The following CDKAL1 variants were observed in gnomAD, a reference collection of about 807,000 sequenced individuals.
CDKAL1 encodes the protein CDKAL1 threonylcarbamoyladenosine tRNA methylthiotransferase.
A neutral mutation model predicts 68.2 loss-of-function variants in CDKAL1; 32 were observed. The ratio of observed to expected loss-of-function variants is 0.47; its 90% confidence interval spans 0.35 to 0.63. The LOEUF is 0.63. Among genes scored for constraint, CDKAL1 ranks in the 30% least tolerant of loss-of-function variants. The pLI is 0.00. For synonymous variants in CDKAL1, 234 were observed against 244.3 expected, an observed-to-expected ratio of 0.96 and a Z score of 0.39; for missense variants, 606 against 696.7, an observed-to-expected ratio of 0.87 and a Z score of 1.47.
At chr6:20,629,525 C>A (rs1767581941) in intron 4 of CDKAL1, among the ~76,000 whole-genome samples, 1 of 152,182 alleles carries the variant, frequency 6.6e-6, no homozygotes, top group African/African-American at 2.4e-5. Flanking sequence ...ACCTTGCTGT[C>A]CCTCTATAGG....
intron 9 of CDKAL1, among the ~76,000 whole-genome samples, chr6:20,903,825 T>C (rs1252964939): frequency 6.6e-6 from 1 of 152,202 alleles, no homozygotes; most frequent in African/African-American, 2.4e-5. Flanking sequence ...TCTGGGAAGA[T>C]GGCAGAGTAG....
intron 5 of CDKAL1, among the ~76,000 whole-genome samples, chr6:20,737,852 T>TA (rs1439527426): frequency 6.6e-6 from 1 of 152,226 alleles, no homozygotes; most frequent in Non-Finnish European, 1.5e-5. Flanking sequence ...CAGGTGCCGT[T>TA]AAAATAGTAT....
At chr6:20,577,277 C>T (rs1037810364) in intron 4 of CDKAL1, among the ~76,000 whole-genome samples, 2 of 152,186 alleles carry the variant, frequency 1.3e-5, no homozygotes, top group Non-Finnish European at 2.9e-5. Context: ...TATATATCAC[C>T]TACTCAGATT....
chr6:21,026,974 T>G (rs1050602917), intron 11 of CDKAL1, among the ~76,000 whole-genome samples: 1 of 152,194 alleles, frequency 6.6e-6, no homozygotes, highest in Non-Finnish European at 1.5e-5. Context: ...GACCTCTTCT[T>G]ATTCTCTAAT....
intron 4 of CDKAL1, among the ~76,000 whole-genome samples, chr6:20,648,335 G>C (rs1047276928): frequency 1.2e-4 from 18 of 151,874 alleles, no homozygotes; most frequent in African/African-American, 4.1e-4. Context: ...TCACCATCTT[G>C]GCCCAACTGG....
chr6:21,113,928 A>G (rs1461445124), intron 13 of CDKAL1, among the ~76,000 whole-genome samples: 1 of 151,808 alleles, frequency 6.6e-6, no homozygotes, highest in African/African-American at 2.4e-5. Context: ...CAACAGAGCA[A>G]GAGCCCATAT....
chr6:20,981,057 T>C (rs1766117430), intron 10 of CDKAL1, among the ~76,000 whole-genome samples: 1 of 152,126 alleles, frequency 6.6e-6, no homozygotes, highest in Non-Finnish European at 1.5e-5. Flanking sequence ...TGATGGGGTG[T>C]AGTGGATGAG....
At chr6:21,013,193 T>A (rs1056670965) in intron 11 of CDKAL1, among the ~76,000 whole-genome samples, 2 of 152,280 alleles carry the variant, frequency 1.3e-5, no homozygotes, top group East Asian at 1.9e-4. Context: ...TATGCTTGGC[T>A]TTTTCAGACC....
chr6:21,138,932 T>G (rs1775758255), intron 13 of CDKAL1, among the ~76,000 whole-genome samples: 1 of 152,206 alleles, frequency 6.6e-6, no homozygotes, highest in African/African-American at 2.4e-5. Context: ...TTGCTGCTTA[T>G]GGACTCGGCG....
intron 7 of CDKAL1, among the ~76,000 whole-genome samples, chr6:20,774,212 A>G (rs1308122181): frequency 6.6e-6 from 1 of 152,198 alleles, no homozygotes; most frequent in Non-Finnish European, 1.5e-5. Flanking sequence ...AAAAAAGTAA[A>G]GGGAAAAAAT....
At chr6:20,590,322 G>A (rs1039061932) in intron 4 of CDKAL1, among the ~76,000 whole-genome samples, 7 of 151,938 alleles carry the variant, frequency 4.6e-5, no homozygotes, top group South Asian at 4.2e-4. Flanking sequence ...CACAGAGTAA[G>A]GGCACCATAA....
intron 8 of CDKAL1, among the ~76,000 whole-genome samples, chr6:20,821,166 G>A (rs956610437): frequency 6.6e-6 from 1 of 152,100 alleles, no homozygotes; most frequent in Admixed American, 6.6e-5. Context: ...AGCAGACTTT[G>A]CATTTTATTC....
Position 21,231,149 on chromosome 6 carries a change from A to T in CDKAL1, c.*110A>T. 1.3e-6 allele frequency: 1 copy of T among 769,634 alleles called. No homozygotes were observed. The highest frequency in any genetic ancestry group is 2.7e-5 in the East Asian group (1 of 36,682). The allele number at this position is 769,634 out of a possible 1,614,324, so 47.7% of individuals were successfully genotyped here. Reference sequence around the variant, plus strand: ...CCAAGGGCAATAATTTGTACTGGTCATGCTGCCTCCTTCTCAGCCACTCTT... The same window carrying T: ...CCAAGGGCAATAATTTGTACTGGTCTTGCTGCCTCCTTCTCAGCCACTCTT... On this transcript the variant is annotated 3_prime_UTR_variant, in exon 16 of 16. Coordinates refer to ENST00000274695, the MANE Select transcript of CDKAL1 (RefSeq NM_017774.3).
intron 8 of CDKAL1, among the ~76,000 whole-genome samples, chr6:20,842,724 G>T (rs974171682): frequency 6.6e-6 from 1 of 152,086 alleles, no homozygotes; most frequent in African/African-American, 2.4e-5. Context: ...CCAGCTACTC[G>T]GGAGCCTGAG....
intron 15 of CDKAL1, among the ~76,000 whole-genome samples, chr6:21,216,503 C>G (rs10946437): frequency 0.45 from 68,230 of 151,840 alleles, 16,157 homozygotes; most frequent in African/African-American, 0.6. Context: ...TATTAGCAAC[C>G]AAGTGGCTGT....
chr6:20,661,487 G>A (rs1310960861), intron 5 of CDKAL1, among the ~76,000 whole-genome samples: 1 of 152,032 alleles, frequency 6.6e-6, no homozygotes, highest in Non-Finnish European at 1.5e-5. Context: ...GAAAAACATG[G>A]AGATGAGTGA....
At chr6:21,040,937 A>G (rs935092505) in intron 11 of CDKAL1, among the ~76,000 whole-genome samples, 7 of 152,108 alleles carry the variant, frequency 4.6e-5, no homozygotes, top group Non-Finnish European at 8.8e-5. Context: ...CCATAGATAG[A>G]TGATAAGCCC....
intron 12 of CDKAL1, among the ~76,000 whole-genome samples, chr6:21,074,741 C>T (rs1771970145): frequency 6.6e-6 from 1 of 152,124 alleles, no homozygotes; most frequent in East Asian, 1.9e-4. Context: ...AACTAGAATT[C>T]ACTAAAATAT....
At chr6:21,036,523 G>A (rs941050970) in intron 11 of CDKAL1, among the ~76,000 whole-genome samples, 3 of 152,192 alleles carry the variant, frequency 2.0e-5, no homozygotes, top group Non-Finnish European at 2.9e-5. Flanking sequence ...GCTCAAGGAC[G>A]TATGAGATTC....
Sources: allele counts gnomAD v4.1 joint callset (sites outside exome capture counted in the v4.1 genomes callset), GRCh38; gene constraint gnomAD v4.1.1; transcripts MANE v1.5; gene names NCBI Gene and HGNC (gene_info 2026-07-23, HGNC 2026-07-21).